RRP1B: variants seen among roughly 807,000 people sequenced by gnomAD.
RRP1B encodes the protein ribosomal RNA processing protein 1 homolog B.
In RRP1B, 56 loss-of-function variants were observed where a neutral mutation model predicts 80.2. That is an observed-to-expected ratio of 0.70 (90% CI 0.56 to 0.87). RRP1B has a LOEUF of 0.87. RRP1B is among the 40% of genes least tolerant of loss of function. The pLI, the probability that RRP1B is intolerant of heterozygous loss-of-function variation, is 0.00. For synonymous variants in RRP1B, 351 were observed against 357.6 expected (o/e 0.98, Z 0.21); for missense variants, 807 against 939.8 (o/e 0.86, Z 1.85).
At chr21:43,676,204 C>T (rs2083021813) in intron 6 of RRP1B, 68 bp from the exon 7 acceptor site, 1 of 1,136,990 alleles carries the variant, frequency 8.8e-7, no homozygotes, top group Non-Finnish European at 1.3e-6. Context: ...TGGGAATGGT[C>T]CCTTTTTCAA....
At chr21:43,672,507 G>A (rs2147165314) in intron 3 of RRP1B, 142 bp downstream of exon 3, 1 of 702,272 alleles carries the variant, frequency 1.4e-6, no homozygotes, top group South Asian at 1.7e-5. Flanking sequence ...TCATTGACTT[G>A]GTGAGAGGGC....
chr21:43,682,324 A>T (rs938252023), intron 8 of RRP1B, among the ~76,000 whole-genome samples: 4 of 152,046 alleles, frequency 2.6e-5, no homozygotes, highest in African/African-American at 7.3e-5. Context: ...CGCCTGCCCC[A>T]TCCTCCCCAG....
At position 43,693,198 on chromosome 21, in the gene RRP1B, A is replaced by C. The variant is rs772197453; in HGVS notation, c.2092A>C (p.Lys698Gln). The change falls in exon 16 of 16, where the codon AAG (lysine) becomes CAG (glutamine). Residue 698 changes from lysine to glutamine, a missense_variant. Lys to Gln is a moderately conservative substitution (Grantham distance 53). Coordinates refer to ENST00000340648, the MANE Select transcript of RRP1B (RefSeq NM_015056.3). The surrounding 1 kb of genome is among the most constrained non-coding windows in gnomAD (Gnocchi z 4.1). ...GCTCTCATTTGGGACAGAATTCAAG[A>C]AGACAGACAAGAGTATCTTGGTCAG... ...LNRNMTAEFK[K>Q]TDKSILVSPT... 6.2e-6 allele frequency: 10 copies of C among 1,613,816 alleles called. 1 individual carries two copies. Among genetic ancestry groups the C allele is most frequent in the Middle Eastern group, 3.3e-4 (2 of 6,080 alleles).
intron 1 of RRP1B, among the ~76,000 whole-genome samples, chr21:43,660,360 T>A (rs1469626173): frequency 6.6e-6 from 1 of 152,106 alleles, no homozygotes; most frequent in Non-Finnish European, 1.5e-5. Context: ...GGTCGGGAGT[T>A]CGAGACCAGC....
At chr21:43,665,154 G>A (rs718470) in intron 1 of RRP1B, among the ~76,000 whole-genome samples, 12,847 of 152,286 alleles carry the variant, frequency 0.084, 1,810 homozygotes, top group African/African-American at 0.29. Flanking sequence ...GCAGATGCTA[G>A]GCAGACCACA....
intron 12 of RRP1B, 138 bp from the exon 13 acceptor site, chr21:43,687,378 A>T: frequency 1.0e-6 from 1 of 955,222 alleles, no homozygotes; most frequent in African/African-American, 1.6e-5. Flanking sequence ...CGCACCAAGT[A>T]CCTCAAGGGA....
At position 43,669,949 on chromosome 21, in the gene RRP1B, G is replaced by C. The variant is rs1568955295; in HGVS notation, c.196G>C (p.Asp66His). Residue 66 changes from aspartate (D) to histidine (H), a missense_variant, in exon 2 of 16, where the codon GAT becomes CAT. Asp to His is a moderately conservative substitution (Grantham distance 81). Coordinates refer to ENST00000340648, the MANE Select transcript of RRP1B (RefSeq NM_015056.3). ...KGLFYCMWVQ[D>H]EPLLQEELAN... ...GCTCTTCTACTGCATGTGGGTGCAGGATGAACCCCTTCTACAGGTAACATG... is the reference window on the plus strand; with the variant it reads ...GCTCTTCTACTGCATGTGGGTGCAGCATGAACCCCTTCTACAGGTAACATG... 1 of 1,609,544 alleles carries C rather than the reference G, an allele frequency of 6.2e-7. No individual in the cohort carries two copies. The highest frequency in any genetic ancestry group is 8.5e-7 in the Non-Finnish European group (1 of 1,176,448).
Position 43,686,810 on chromosome 21 carries a change from G to C in RRP1B, c.1016G>C (p.Ser339Thr). ...GTGTCACTCTGGCATCTAGGAAGCA[G>C]TATATCTCAACTCAGTTTTGCGGAG... Reference protein sequence around the residue: ...KKFQDLSEGSSISQLSFAEDI... With the variant: ...KKFQDLSEGSTISQLSFAEDI... Residue 339 changes from serine to threonine, a missense_variant, in exon 12 of 16, where the codon AGT becomes ACT. Coordinates refer to ENST00000340648, the MANE Select transcript of RRP1B (RefSeq NM_015056.3). 3 of 1,614,050 alleles carry C rather than the reference G, an allele frequency of 1.9e-6. No homozygotes were observed. Among genetic ancestry groups the C allele is most frequent in the Non-Finnish European group, 2.5e-6 (3 of 1,179,964 alleles).
intron 1 of RRP1B, among the ~76,000 whole-genome samples, chr21:43,661,979 A>G (rs918786779): frequency 6.6e-6 from 1 of 152,174 alleles, no homozygotes; most frequent in East Asian, 1.9e-4. Flanking sequence ...TAAAACATCC[A>G]TTGTGTCTCT....
At chr21:43,665,545 T>C (rs1009555515) in intron 1 of RRP1B, among the ~76,000 whole-genome samples, 1 of 152,234 alleles carries the variant, frequency 6.6e-6, no homozygotes, top group South Asian at 2.1e-4. Flanking sequence ...TATTTTATTT[T>C]ATTTATTTGT....
intron 1 of RRP1B, among the ~76,000 whole-genome samples, chr21:43,667,217 GTT>G (rs2082981684): frequency 7.4e-6 from 1 of 134,280 alleles, no homozygotes; most frequent in South Asian, 2.2e-4. Flanking sequence ...TCTTAATATC[GTT>G]TGTTTGTTTG....
chr21:43,662,668 A>T (rs1176162760), intron 1 of RRP1B, among the ~76,000 whole-genome samples: 2 of 152,192 alleles, frequency 1.3e-5, no homozygotes, highest in Admixed American at 1.3e-4. Flanking sequence ...CTCTTGCTTT[A>T]ACTGTTCAAG....
intron 13 of RRP1B, among the ~76,000 whole-genome samples, chr21:43,689,763 C>T (rs556562201): frequency 4.0e-4 from 61 of 152,366 alleles, no homozygotes; most frequent in African/African-American, 1.5e-3. Flanking sequence ...TTGAACCTGC[C>T]GGAGCCACCC....
intron 10 of RRP1B, among the ~76,000 whole-genome samples, chr21:43,685,518 T>C (rs921848894): frequency 2.0e-5 from 3 of 152,226 alleles, no homozygotes; most frequent in African/African-American, 7.2e-5. Flanking sequence ...TGGCCCGCCG[T>C]GTCCTTGCTG....
At chr21:43,683,575 T>C (rs771677344) in intron 9 of RRP1B, among the ~76,000 whole-genome samples, 2 of 152,184 alleles carry the variant, frequency 1.3e-5, no homozygotes, top group Non-Finnish European at 1.5e-5. Flanking sequence ...TTGAAAGAGA[T>C]AGTAGCACTT....
chr21:43,674,611 TTA>T, intron 4 of RRP1B, 23 bp from the exon 5 acceptor site: 1 of 1,430,194 alleles, frequency 7.0e-7, no homozygotes, highest in Non-Finnish European at 9.5e-7. Flanking sequence ...TTTTTTTTTT[TTA>T]AACAAAAATT....
chr21:43,683,030 G>A (rs185977501), intron 8 of RRP1B, among the ~76,000 whole-genome samples: 111 of 152,160 alleles, frequency 7.3e-4, no homozygotes, highest in African/African-American at 2.6e-3. Context: ...CCGCAACCAC[G>A]CCCAGCTAAT....
In RRP1B at chr21:43,690,329, G is replaced by A. The variant is rs1332164232; in HGVS notation, c.1908G>A (p.Leu636=). 5 of 1,614,112 alleles carry A rather than the reference G, an allele frequency of 3.1e-6. No individual in the cohort carries two copies. Among genetic ancestry groups the A allele is most frequent in the Non-Finnish European group, 4.2e-6 (5 of 1,180,040 alleles). ...GTCSSLKKQK[L]RAESDFVKFD... is the part of the protein sequence containing the mutation. ...GCAGTTCCCTGAAGAAGCAGAAGCT[G>A]AGGGCAGAGAGCGACTTTGTGAAGT... The change falls in exon 14 of 16, where the codon CTG becomes CTA. Residue 636 remains leucine, a synonymous_variant. Transcript: ENST00000340648.
intron 15 of RRP1B, among the ~76,000 whole-genome samples, chr21:43,692,298 A>G (rs1251100984): frequency 6.6e-6 from 1 of 152,194 alleles, no homozygotes; most frequent in Non-Finnish European, 1.5e-5. Context: ...AAAGGAAACC[A>G]AAGTTTTAAA....
Sources: allele counts gnomAD v4.1 joint callset (sites outside exome capture counted in the v4.1 genomes callset), GRCh38; gene constraint gnomAD v4.1.1; non-coding constraint Gnocchi (gnomAD v3.1); transcripts MANE v1.5; gene names NCBI Gene and HGNC (gene_info 2026-07-23, HGNC 2026-07-21).